CFAP68: variants seen among roughly 807,000 people sequenced by gnomAD.
CFAP68 encodes the protein cilia and flagella associated protein 68.
chr11:111,881,582 C>T, the CFAP68 span: 1 of 1,535,964 alleles, frequency 6.5e-7, no homozygotes, highest in Non-Finnish European at 8.7e-7. Flanking sequence ...AGAGCTCAAC[C>T]TACTCAGCAT....
At chr11:111,882,368 A>C in the CFAP68 span, 1 of 1,612,128 alleles carries the variant, frequency 6.2e-7, no homozygotes, top group Non-Finnish European at 8.5e-7. Context: ...CTTTTCCCAG[A>C]GACAGAACCT....
the CFAP68 span, chr11:111,884,782 C>T: frequency 1.3e-5 from 2 of 152,182 alleles, no homozygotes; most frequent in Non-Finnish European, 2.9e-5. Context: ...CTATTTATGA[C>T]TAATCTTACC....
chr11:111,881,453 G>A, the CFAP68 span: 1 of 1,535,758 alleles, frequency 6.5e-7, no homozygotes, highest in East Asian at 2.4e-5. Flanking sequence ...ACTTGCCCAT[G>A]GTAATCTGGG....
chr11:111,883,824 C>A, the CFAP68 span: 3 of 1,613,696 alleles, frequency 1.9e-6, no homozygotes, highest in Non-Finnish European at 2.5e-6. Context: ...ACTGGATCCT[C>A]CCCGATACAA....
the CFAP68 span, among the ~76,000 whole-genome samples, chr11:111,880,173 A>T: frequency 2.6e-5 from 4 of 152,136 alleles, no homozygotes; most frequent in Non-Finnish European, 5.9e-5. Context: ...TATTGCACCT[A>T]ATAGTTTTTC....
chr11:111,881,014 A>G, the CFAP68 span: 1 of 319,138 alleles, frequency 3.1e-6, no homozygotes, highest in African/African-American at 2.2e-5. Flanking sequence ...ATAAAACAAG[A>G]GGCAACTGCA....
chr11:111,881,474 T>G, the CFAP68 span: 1 of 1,536,044 alleles, frequency 6.5e-7, no homozygotes, highest in South Asian at 1.2e-5. Context: ...TGATTCTTTC[T>G]TTGCTTGGAG....
the CFAP68 span, chr11:111,883,949 A>G: frequency 1.7e-5 from 20 of 1,151,358 alleles, no homozygotes; most frequent in Non-Finnish European, 2.4e-5. Flanking sequence ...TTTCTAAGAA[A>G]TGATAAGATA....
chr11:111,879,731 C>T, the CFAP68 span: 2 of 1,075,306 alleles, frequency 1.9e-6, no homozygotes, highest in South Asian at 1.3e-5. Flanking sequence ...TTCAATGAGC[C>T]TGCAGTCTGG....
chr11:111,881,701 T>G, the CFAP68 span: 2 of 1,402,352 alleles, frequency 1.4e-6, no homozygotes, highest in Non-Finnish European at 1.9e-6. Context: ...AAAAATGAAA[T>G]CAGACATTGA....
the CFAP68 span, chr11:111,879,729 G>A: frequency 9.2e-7 from 1 of 1,084,442 alleles, no homozygotes; most frequent in Non-Finnish European, 1.4e-6. Flanking sequence ...ATTTCAATGA[G>A]CCTGCAGTCT....
chr11:111,880,905 T>G, the CFAP68 span: 1 of 411,922 alleles, frequency 2.4e-6, no homozygotes, highest in Non-Finnish European at 4.8e-6. Context: ...ACTGAAAGAT[T>G]TTAAATAAGA....
chr11:111,883,199 CAT>C, the CFAP68 span: 4 of 1,569,262 alleles, frequency 2.5e-6, no homozygotes, highest in Non-Finnish European at 3.5e-6. Context: ...ACTTTCAACA[CAT>C]AGTACGTGGA....
the CFAP68 span, chr11:111,884,214 C>T: frequency 5.2e-6 from 1 of 192,344 alleles, no homozygotes; most frequent in African/African-American, 2.4e-5. Context: ...TGGCTCATGC[C>T]TGTAATCCCA....
chr11:111,882,409 CAGCCTTGTTA>C, the CFAP68 span: 1 of 1,614,082 alleles, frequency 6.2e-7, no homozygotes, highest in Non-Finnish European at 8.5e-7. Flanking sequence ...CACACTGTGG[CAGCCTTGTTA>C]ATGCAGATGG....
the CFAP68 span, chr11:111,882,717 T>A: frequency 1.0e-6 from 1 of 962,276 alleles, no homozygotes; most frequent in Non-Finnish European, 1.5e-6. Context: ...CAGTTTTCAG[T>A]GAAGTGGTTG....
At chr11:111,881,114 A>T in the CFAP68 span, 1 of 900,446 alleles carries the variant, frequency 1.1e-6, no homozygotes, top group Non-Finnish European at 1.4e-6. Context: ...AACAAGACTT[A>T]GTGACTGGAT....
the CFAP68 span, chr11:111,881,132 A>G: frequency 9.4e-7 from 1 of 1,064,376 alleles, no homozygotes; most frequent in Non-Finnish European, 1.2e-6. Context: ...GATGAAAATT[A>G]AAGACAAGTC....
the CFAP68 span, chr11:111,881,343 A>T: frequency 6.8e-7 from 1 of 1,465,080 alleles, no homozygotes; most frequent in Non-Finnish European, 9.0e-7. Flanking sequence ...GGCAGATGGT[A>T]TGAGGGTAGT....
Sources: gnomAD v4.1 joint callset for allele counts (sites outside exome capture counted in the v4.1 genomes callset) on GRCh38, gnomAD v4.1.1 for gene constraint, MANE v1.5 for transcripts, NCBI Gene and HGNC (gene_info 2026-07-23, HGNC 2026-07-21) for gene names.